The following GRIK2 variants were observed in gnomAD, a reference collection of about 807,000 sequenced individuals.
GRIK2 encodes glutamate ionotropic receptor kainate type subunit 2.
In GRIK2, 32 loss-of-function variants were observed where a neutral mutation model predicts 100.3. That is an observed-to-expected ratio of 0.32 (90% CI 0.24 to 0.43). GRIK2 has a LOEUF of 0.43. Ranked by LOEUF, GRIK2 falls within the 20% of genes least tolerant of loss-of-function variation. GRIK2 has a pLI of 1.00. For missense variants in GRIK2, 843 were observed against 1,114.9 expected (o/e 0.76, Z 3.47); for synonymous variants, 417 against 389.4 (o/e 1.07, Z -0.83).
chr6:102,032,790 G>T (rs955416710), intron 14 of GRIK2, among the ~76,000 whole-genome samples: 5 of 151,144 alleles, frequency 3.3e-5, no homozygotes, highest in Non-Finnish European at 7.4e-5. Flanking sequence ...TTCAGTTGGA[G>T]GCTCTCCTCA....
At chr6:101,865,321 C>T (rs866357536) in intron 11 of GRIK2, among the ~76,000 whole-genome samples, 9 of 152,162 alleles carry the variant, frequency 5.9e-5, no homozygotes, top group Admixed American at 2.6e-4. Flanking sequence ...TATTATCAAG[C>T]CTTTTATGAT....
At chr6:102,008,316 A>C (rs1795349163) in intron 14 of GRIK2, among the ~76,000 whole-genome samples, 1 of 152,136 alleles carries the variant, frequency 6.6e-6, no homozygotes, top group African/African-American at 2.4e-5. Context: ...AACAGAACAG[A>C]GAGGGTAAAA....
chr6:101,726,643 A>G (rs1774889919), intron 7 of GRIK2, among the ~76,000 whole-genome samples: 1 of 152,016 alleles, frequency 6.6e-6, no homozygotes, highest in South Asian at 2.1e-4. Context: ...TATCCAAGCA[A>G]TGATTGCATA....
intron 2 of GRIK2, among the ~76,000 whole-genome samples, chr6:101,453,049 A>G (rs1231365459): frequency 6.6e-6 from 1 of 151,864 alleles, no homozygotes; most frequent in Non-Finnish European, 1.5e-5. Context: ...ATTGCTTGTG[A>G]AAATGATGTA....
chr6:102,023,071 G>T (rs1199224768), intron 14 of GRIK2, among the ~76,000 whole-genome samples: 2 of 151,396 alleles, frequency 1.3e-5, no homozygotes, highest in African/African-American at 2.4e-5. Flanking sequence ...CTGGAGAGTG[G>T]CCAAGTAACC....
chr6:101,744,228 C>T lies in GRIK2; in HGVS notation c.952-55420C>T, dbSNP rs72956332. ...AAGTTCTGGGATTACAGACATGAGC[C>T]GTCGTGCCCAGCCAGCAATATGTAG... On this transcript the variant is annotated intron_variant, in intron 7 of 16. Coordinates refer to ENST00000369134, the MANE Select transcript of GRIK2 (RefSeq NM_021956.5). Among the ~76,000 whole-genome samples, 401 of 152,046 alleles carry T rather than the reference C, an allele frequency of 2.6e-3. 1 individual carries two copies. The highest frequency in any genetic ancestry group is 4.0e-3 in the Non-Finnish European group (275 of 67,964).
In GRIK2 at chr6:101,610,191, G is replaced by A. The variant is rs118002962; in HGVS notation, c.116-11758G>A. Among the ~76,000 whole-genome samples, 1,486 of 151,392 alleles carry A rather than the reference G, an allele frequency of 9.8e-3. 8 individuals carry two copies. The highest frequency in any genetic ancestry group is 0.015 in the Non-Finnish European group (1,037 of 67,686). ...AAATATTGCTTAAAGAAACTGCAAA[G>A]TAAATAGGTAAGAAGAAATGAAGGA... On this transcript the variant is annotated intron_variant, in intron 2 of 16. Coordinates refer to ENST00000369134, the MANE Select transcript of GRIK2 (RefSeq NM_021956.5).
chr6:101,676,598 T>C, intron 4 of GRIK2, 25 bp from the exon 5 acceptor site: 1 of 1,396,286 alleles, frequency 7.2e-7, no homozygotes, highest in Non-Finnish European at 9.7e-7. Context: ...TAATATTCTT[T>C]TTTTTTTTTC....
intron 2 of GRIK2, among the ~76,000 whole-genome samples, chr6:101,473,671 A>C: frequency 6.6e-6 from 1 of 151,832 alleles, no homozygotes; most frequent in East Asian, 1.9e-4. Flanking sequence ...TAACTGAATC[A>C]GTTGGTTTTG....
chr6:101,396,869 C>T (rs80307480), intron 1 of GRIK2, among the ~76,000 whole-genome samples: 3,459 of 152,058 alleles, frequency 0.023, 133 homozygotes, highest in African/African-American at 0.079. Flanking sequence ...ATCTAATTTA[C>T]CATATGTGCA....
intron 10 of GRIK2, among the ~76,000 whole-genome samples, chr6:101,819,487 G>C (rs1781824960): frequency 6.6e-6 from 1 of 152,160 alleles, no homozygotes; most frequent in Non-Finnish European, 1.5e-5. Context: ...AGTGATGAAA[G>C]TCATAAAGTT....
intron 12 of GRIK2, among the ~76,000 whole-genome samples, chr6:101,895,216 A>G (rs146737276): frequency 0.012 from 1,811 of 151,886 alleles, 20 homozygotes; most frequent in Non-Finnish European, 0.019. Flanking sequence ...TGTTACATGC[A>G]TAACATTTTT....
chr6:101,586,914 G>A (rs78700203), intron 2 of GRIK2, among the ~76,000 whole-genome samples: 19,335 of 125,064 alleles, frequency 0.15, 2,016 homozygotes, highest in Middle Eastern at 0.22. Context: ...AAAAAAAAAA[G>A]AGAGATATCA....
At chr6:101,463,652 C>A (rs938760286) in intron 2 of GRIK2, among the ~76,000 whole-genome samples, 1 of 152,046 alleles carries the variant, frequency 6.6e-6, no homozygotes, top group East Asian at 1.9e-4. Context: ...TTTATGTACA[C>A]CTGTTTCCTG....
chr6:101,423,154 C>A (rs1776501870), intron 2 of GRIK2, among the ~76,000 whole-genome samples: 1 of 152,212 alleles, frequency 6.6e-6, no homozygotes, highest in Non-Finnish European at 1.5e-5. Flanking sequence ...CCCATTCAGA[C>A]AAACCCTTGG....
At chr6:101,697,137 G>A (rs913561353) in intron 7 of GRIK2, among the ~76,000 whole-genome samples, 4 of 151,890 alleles carry the variant, frequency 2.6e-5, no homozygotes, top group African/African-American at 7.2e-5. Flanking sequence ...GATCAAAAGG[G>A]ATAATGAATT....
intron 14 of GRIK2, among the ~76,000 whole-genome samples, chr6:101,992,937 G>A (rs1210181024): frequency 2.0e-5 from 3 of 151,610 alleles, no homozygotes; most frequent in Admixed American, 1.3e-4. Flanking sequence ...TTATGTCACA[G>A]AAGAGCAGTA....
chr6:102,049,727 A>G (rs528291174), intron 15 of GRIK2, among the ~76,000 whole-genome samples: 1 of 152,292 alleles, frequency 6.6e-6, no homozygotes, highest in East Asian at 1.9e-4. Flanking sequence ...AAAGAGTTTT[A>G]GAAGGAGATA....
chr6:102,039,555 TC>T (rs1363963710), intron 15 of GRIK2, among the ~76,000 whole-genome samples: 1 of 151,508 alleles, frequency 6.6e-6, no homozygotes, highest in Non-Finnish European at 1.5e-5. Flanking sequence ...GTCTCTTATT[TC>T]ACCATAGGTG....
Sources: gnomAD v4.1 joint callset for allele counts (sites outside exome capture counted in the v4.1 genomes callset) on GRCh38, gnomAD v4.1.1 for gene constraint, MANE v1.5 for transcripts, NCBI Gene and HGNC (gene_info 2026-07-23, HGNC 2026-07-21) for gene names.